The following NAXD variants were observed in gnomAD, a reference collection of about 807,000 sequenced individuals.
The protein encoded by NAXD is NAD(P)HX dehydratase, also known as ATP-dependent (S)-NAD(P)H-hydrate dehydratase.
Under a neutral mutation model 35.8 loss-of-function variants are expected in NAXD, and 22 were observed. That is an observed-to-expected ratio of 0.62 (90% CI 0.44 to 0.88). NAXD has a LOEUF of 0.88. NAXD is among the 40% of genes least tolerant of loss of function. The probability of loss-of-function intolerance (pLI) is 0.00; values close to 1 mark genes in which losing one functional copy is unlikely to be tolerated. For synonymous variants in NAXD, 189 were observed against 177.6 expected (o/e 1.06, Z -0.51); for missense variants, 428 against 437.7 (o/e 0.98, Z 0.20).
intron 5 of NAXD, among the ~76,000 whole-genome samples, chr13:110,633,951 G>T (rs1468093862): frequency 6.6e-6 from 1 of 152,224 alleles, no homozygotes; most frequent in Non-Finnish European, 1.5e-5. Flanking sequence ...ATTAGTATCT[G>T]TTGGAGAACT....
chr13:110,637,080 TCA>T (rs763102231), intron 8 of NAXD, 47 bp from the exon 9 acceptor site: 1 of 1,568,558 alleles, frequency 6.4e-7, no homozygotes, highest in South Asian at 1.2e-5. Flanking sequence ...ACTGTCACAT[TCA>T]CACACATGGC....
chr13:110,634,681 TGGCTG>T lies in NAXD; in HGVS notation c.504_508del (p.Trp168CysfsTer28). 1 of 1,614,174 alleles carries T rather than the reference TGGCTG, an allele frequency of 6.2e-7. No individual in the cohort carries two copies. Among genetic ancestry groups the T allele is most frequent in the East Asian group, 2.2e-5 (1 of 44,890 alleles). On this transcript the variant is annotated frameshift_variant, in exon 7 of 10. Coordinates refer to ENST00000680254, the MANE Select transcript of NAXD (RefSeq NM_001242882.2). LOFTEE classifies it high-confidence loss of function. ...TCCTTGTTCTGTGCAGGATGGCCTG[TGGCTG>T]GTCGCTCAGCAGCCGGCCCTCATCC...
At position 110,638,136 on chromosome 13, in the gene NAXD, C is replaced by G; in HGVS notation, c.840-242C>G. The stretch of plus-strand genomic sequence containing the variant: ...CACCTGGCCCACTGTGTGCCCTAGC[C>G]CTGGACCTGTCTCCGAGTACATAGA... On this transcript the variant is annotated intron_variant, in intron 9 of 9. Coordinates refer to ENST00000680254, the MANE Select transcript of NAXD (RefSeq NM_001242882.2). This position sits in a 1 kb window ranked among gnomAD's most constrained non-coding sequence, Gnocchi z 5.4. 1 of 1,164,948 alleles carries G rather than the reference C, an allele frequency of 8.6e-7. No individual in the cohort carries two copies. The highest frequency in any genetic ancestry group is 1.5e-5 in the South Asian group (1 of 67,246). The allele number at this position is 1,164,948 out of a possible 1,614,324, so 72.2% of individuals were successfully genotyped here.
At chr13:110,616,481 C>A (rs986046794) in intron 1 of NAXD, 1 of 152,424 alleles carries the variant, frequency 6.6e-6, no homozygotes, top group Non-Finnish European at 1.5e-5. Context: ...TCCCCAGAAC[C>A]TGAAGTGCTG....
Position 110,628,723 on chromosome 13 carries a change from T to A in NAXD, c.441+1176T>A, listed in dbSNP as rs1287097277. On this transcript the variant is annotated intron_variant, in intron 5 of 9. Transcript: ENST00000680254. The surrounding 1 kb of genome is among the most constrained non-coding windows in gnomAD (Gnocchi z 4.1). The stretch of plus-strand genomic sequence containing the variant: ...AGGAGGTGGCCATGTTTAGGAGCAG[T>A]AGAACCCTCTGTCATCCCCGGGGAG... 6.6e-6 allele frequency among the ~76,000 whole-genome samples: 1 copy of A among 151,896 alleles called. No homozygotes were observed. Among genetic ancestry groups the A allele is most frequent in the Non-Finnish European group, 1.5e-5 (1 of 67,980 alleles).
Position 110,628,750 on chromosome 13 carries a change from G to T in NAXD, c.441+1203G>T, listed in dbSNP as rs538470957. The stretch of plus-strand genomic sequence containing the variant: ...GAACCCTCTGTCATCCCCGGGGAGA[G>T]GCTCTCAATGGGGAGTCCCATCTGC... On this transcript the variant is annotated intron_variant, in intron 5 of 9. Transcript: ENST00000680254. This position sits in a 1 kb window ranked among gnomAD's most constrained non-coding sequence, Gnocchi z 4.1. Among the ~76,000 whole-genome samples, 1 of 152,256 alleles carries T rather than the reference G, an allele frequency of 6.6e-6. No homozygotes were observed. Among genetic ancestry groups the T allele is most frequent in the South Asian group, 2.1e-4 (1 of 4,810 alleles).
chr13:110,626,740 T>C (rs555916033), intron 4 of NAXD, among the ~76,000 whole-genome samples: 89 of 151,970 alleles, frequency 5.9e-4, no homozygotes, highest in Non-Finnish European at 1.2e-3. Context: ...CATCTCACAG[T>C]GCGGGGTGAC....
Position 110,637,207 on chromosome 13 carries a change from TG to T in NAXD, c.799del (p.Val267TyrfsTer49). ...CTCCTGTCGGGCTCCCTGGGCGTCC[TG>T]GTACACTGGGCGCTCCTTGCTGGAC... ...GDLLSGSLGV[L>X]VHWALLAGPQ... On this transcript the variant is annotated frameshift_variant, in exon 9 of 10. Coordinates refer to ENST00000680254, the MANE Select transcript of NAXD (RefSeq NM_001242882.2). LOFTEE classifies it low-confidence loss of function (END_TRUNC). The T allele has an allele frequency of 6.2e-7, 1 of 1,614,038 alleles. No homozygotes were observed. Among genetic ancestry groups the T allele is most frequent in the African/African-American group, 1.3e-5 (1 of 75,078 alleles).
In NAXD at chr13:110,638,533, G is replaced by A. The variant is rs330563; in HGVS notation, c.*5G>A. ...AGCAAGCTCTTTGAAACCTGAGCCCGCGCAGACCAGAAGTAAACAGGCACC... is the reference window on the plus strand; with the variant it reads ...AGCAAGCTCTTTGAAACCTGAGCCCACGCAGACCAGAAGTAAACAGGCACC... On this transcript the variant is annotated 3_prime_UTR_variant, in exon 10 of 10. Transcript: ENST00000680254. This position sits in a 1 kb window ranked among gnomAD's most constrained non-coding sequence, Gnocchi z 5.4. 0.29 allele frequency: 460,947 copies of A among 1,610,948 alleles called. 70,234 individuals are homozygous for A. Among genetic ancestry groups the A allele is most frequent in the Admixed American group, 0.51 (30,608 of 59,954 alleles).
At chr13:110,615,692 G>C (rs1223854131) in intron 1 of NAXD, 45 bp downstream of exon 1, 1 of 1,524,482 alleles carries the variant, frequency 6.6e-7, no homozygotes, top group Admixed American at 2.0e-5. Context: ...CACGCGCGGG[G>C]GCCGGAACTG....
At chr13:110,632,985 A>G (rs988998879) in intron 5 of NAXD, among the ~76,000 whole-genome samples, 13 of 152,222 alleles carry the variant, frequency 8.5e-5, no homozygotes, top group Non-Finnish European at 1.3e-4. Context: ...ATCCCGCACC[A>G]GGGCTGCAGG....
Position 110,638,400 on chromosome 13 carries a change from G to T in NAXD, c.862G>T (p.Ala288Ser). Residue 288 changes from alanine to serine, a missense_variant, in exon 10 of 10, where the codon GCG becomes TCG. Physicochemically the swap from Ala to Ser is moderately conservative, Grantham distance 99. This residue lies in a region of NAXD where 209 missense variants were observed against 214.6 expected (regional missense o/e 0.97). Transcript: ENST00000680254. This position sits in a 1 kb window ranked among gnomAD's most constrained non-coding sequence, Gnocchi z 5.4. Reference protein sequence around the residue: ...TNGSSPLLVAAFGACSLTRQC... With the variant: ...TNGSSPLLVASFGACSLTRQC... ...CAGGTCCAGCCCTCTCCTGGTGGCC[G>T]CGTTTGGCGCCTGCTCTCTCACCAG... 4 of 1,613,690 alleles carry T rather than the reference G, an allele frequency of 2.5e-6. No individual in the cohort carries two copies. The highest frequency in any genetic ancestry group is 1.1e-5 in the South Asian group (1 of 91,076).
chr13:110,629,656 C>T (rs1268414094), intron 5 of NAXD, among the ~76,000 whole-genome samples: 1 of 152,156 alleles, frequency 6.6e-6, no homozygotes, highest in Admixed American at 6.5e-5. Context: ...TATTCCATTC[C>T]TTTTTATATC....
At chr13:110,636,359 ATG>A (rs1207900971) in intron 8 of NAXD, among the ~76,000 whole-genome samples, 1 of 141,682 alleles carries the variant, frequency 7.1e-6, no homozygotes, top group Non-Finnish European at 1.5e-5. Flanking sequence ...ACATGCACAT[ATG>A]TGCACACGCA....
chr13:110,636,207 C>T (rs1181836684), intron 8 of NAXD, among the ~76,000 whole-genome samples: 1 of 152,222 alleles, frequency 6.6e-6, no homozygotes, highest in Non-Finnish European at 1.5e-5. Context: ...GGAAGCCCCT[C>T]CATTCAGGCC....
In NAXD at chr13:110,616,766, T is replaced by C. The variant is rs565083884; in HGVS notation, c.46+1119T>C. On this transcript the variant is annotated intron_variant, in intron 1 of 9. Coordinates refer to ENST00000680254, the MANE Select transcript of NAXD (RefSeq NM_001242882.2). The stretch of plus-strand genomic sequence containing the variant: ...CTTGGTATAGAAGATAAATAGAAGC[T>C]CAGAGAAAGTGACTTAGCCAGGATT... Among the ~76,000 whole-genome samples, 26 of 152,290 alleles carry C rather than the reference T, an allele frequency of 1.7e-4. No homozygotes were observed. In the South Asian group the frequency reaches 5.4e-3, roughly 32 times the overall value.
chr13:110,635,565 A>G lies in NAXD; in HGVS notation c.695A>G (p.Asp232Gly), dbSNP rs1165352070. The change falls in exon 8 of 10, where the codon GAC becomes GGC. Residue 232 changes from aspartate to glycine, a missense_variant. Around this residue, in one of 3 missense-constraint regions of NAXD, gnomAD observed 209 missense variants for 214.6 expected, o/e 0.97. Transcript: ENST00000680254. The part of the protein sequence containing the change: ...NVTVVQKGER[D>G]ILSNGQQVLV... Reference sequence around the variant, plus strand: ...ACGGTGGTCCAGAAAGGAGAGCGCGACATCCTCTCCAACGGCCAGCAGGGT... The same window carrying G: ...ACGGTGGTCCAGAAAGGAGAGCGCGGCATCCTCTCCAACGGCCAGCAGGGT... 2 of 1,613,964 alleles carry G rather than the reference A, an allele frequency of 1.2e-6. No individual in the cohort carries two copies. Among genetic ancestry groups the G allele is most frequent in the Non-Finnish European group, 1.7e-6 (2 of 1,180,006 alleles).
intron 5 of NAXD, among the ~76,000 whole-genome samples, chr13:110,632,168 CTG>C (rs1315218410): frequency 7.6e-6 from 1 of 131,950 alleles, no homozygotes; most frequent in Non-Finnish European, 1.7e-5. Flanking sequence ...TTCGTGGTCT[CTG>C]TCTCAGGAGT....
In NAXD at chr13:110,638,944, C is replaced by T. The variant is rs536107603; in HGVS notation, c.*416C>T. 1.2e-3 allele frequency: 420 copies of T among 358,208 alleles called. 1 individual carries two copies. The highest frequency in any genetic ancestry group is 6.9e-4 in the Non-Finnish European group (126 of 182,650). 22.2% of individuals were successfully genotyped at this position (358,208 alleles called of 1,614,324 possible). ...TGCTTCCCTTCCCTAGTCTTTCCTC[C>T]GGCAGGGAGCTGGGCAGGGGTCCCC... On this transcript the variant is annotated 3_prime_UTR_variant, in exon 10 of 10. Coordinates refer to ENST00000680254, the MANE Select transcript of NAXD (RefSeq NM_001242882.2). The surrounding 1 kb of genome is among the most constrained non-coding windows in gnomAD (Gnocchi z 5.4).
Sources: gnomAD v4.1 joint callset for allele counts (sites outside exome capture counted in the v4.1 genomes callset) on GRCh38, gnomAD v4.1.1 for gene constraint, gnomAD v4.1.1 regional missense constraint, Gnocchi (gnomAD v3.1) non-coding constraint, MANE v1.5 for transcripts, NCBI Gene and HGNC (gene_info 2026-07-23, HGNC 2026-07-21) for gene names.